The following DRICH1 variants were observed in gnomAD, a reference collection of about 807,000 sequenced individuals.
DRICH1 encodes aspartate-rich protein 1.
In DRICH1, 38 loss-of-function variants were observed where a neutral mutation model predicts 39.5. That is an observed-to-expected ratio of 0.96 (90% CI 0.74 to 1.26). The LOEUF is 1.26. Among genes scored for constraint, DRICH1 ranks in the 50% most tolerant of loss-of-function variants. DRICH1 has a pLI of 0.00. For synonymous variants in DRICH1, 84 were observed against 99.5 expected (o/e 0.84, Z 0.93); for missense variants, 279 against 270.4 (o/e 1.03, Z -0.22).
At chr22:23,621,989 T>G in intron 4 of DRICH1, 102 bp downstream of exon 4, 1 of 1,027,388 alleles carries the variant, frequency 9.7e-7, no homozygotes. Context: ...ACTTTTGTTG[T>G]TTATAGCTCC....
chr22:23,620,712 G>C, intron 4 of DRICH1, 97 bp from the exon 5 acceptor site: 2 of 1,404,928 alleles, frequency 1.4e-6, no homozygotes, highest in Non-Finnish European at 2.0e-6. Flanking sequence ...CAGAAAACTA[G>C]TTGTGAAACT....
chr22:23,617,587 A>C lies in DRICH1; in HGVS notation c.507T>G (p.Asp169Glu), dbSNP rs1365038334. 1.2e-6 allele frequency: 2 copies of C among 1,614,016 alleles called. No homozygotes were observed. The highest frequency in any genetic ancestry group is 2.7e-5 in the African/African-American group (2 of 74,894). The stretch of plus-strand genomic sequence containing the variant: ...AAGGTTGTCTTACCTGGGCATCATC[A>C]TCATCATCATCACAGTCATCATCTT... ...RSEDDDCDDD[D>E]DDAQILPSPV... The change falls in exon 7 of 12, where the codon GAT becomes GAG. Residue 169 changes from aspartate (D) to glutamate (E), a missense_variant. Transcript: ENST00000317749.
At chr22:23,609,198 C>T (rs1389677590) in intron 11 of DRICH1, among the ~76,000 whole-genome samples, 1 of 152,162 alleles carries the variant, frequency 6.6e-6, no homozygotes, top group Non-Finnish European at 1.5e-5. Context: ...TATAAGCCCA[C>T]ACTATGGAGG....
rs371627015 is a variant in DRICH1, at chr22:23,619,316, C to T, written c.436+48G>A. On this transcript the variant is annotated intron_variant, in intron 6 of 11. Transcript: ENST00000317749. ...CTTCCCATATTCATGGATAGGAAGA[C>T]TCAGCATGACTAACACACAATACTA... 22 of 778,228 alleles carry T rather than the reference C, an allele frequency of 2.8e-5. No individual in the cohort carries two copies. The East Asian group carries it at 4.1e-4, about 15-fold the overall frequency. The allele number at this position is 778,228 out of a possible 1,614,324, so 48.2% of individuals were successfully genotyped here.
At chr22:23,626,872 G>GGTCTCA (rs1425768302) in intron 1 of DRICH1, among the ~76,000 whole-genome samples, 2 of 152,128 alleles carry the variant, frequency 1.3e-5, no homozygotes, top group East Asian at 3.9e-4. Context: ...GCCCATTACA[G>GGTCTCA]GTCTCACCTC....
the DRICH1 span, among the ~76,000 whole-genome samples, chr22:23,587,583 G>A: frequency 6.6e-6 from 1 of 152,166 alleles, no homozygotes; most frequent in Admixed American, 6.5e-5. Context: ...GCCTAGGACA[G>A]GCAGCTGACC....
At chr22:23,618,146 C>A (rs1233985967) in intron 6 of DRICH1, among the ~76,000 whole-genome samples, 3 of 141,620 alleles carry the variant, frequency 2.1e-5, no homozygotes, top group Non-Finnish European at 3.0e-5. Flanking sequence ...CAGAGTCTCA[C>A]TCTGTCCCCC....
rs774892685 is a variant in DRICH1 at position 23,632,066 on chromosome 22, G to A, written c.-43C>T. On this transcript the variant is annotated 5_prime_UTR_variant, in exon 1 of 12. Transcript: ENST00000317749. ...CTCCACTCCTGCCTCAGCCTTCAGC[G>A]AAATTGTAACTGTGCTGCCCTAGCA... 52 of 1,609,934 alleles carry A rather than the reference G, an allele frequency of 3.2e-5. 3 individuals carry two copies. In the South Asian group the frequency reaches 4.5e-4, roughly 14 times the overall value.
At chr22:23,614,547 T>C (rs545525214) in intron 8 of DRICH1, among the ~76,000 whole-genome samples, 81 of 152,348 alleles carry the variant, frequency 5.3e-4, no homozygotes, top group African/African-American at 1.9e-3. Flanking sequence ...CAGGATTTTC[T>C]TAACGTATTC....
At chr22:23,628,960 T>C (rs1041908486) in intron 1 of DRICH1, among the ~76,000 whole-genome samples, 3 of 152,250 alleles carry the variant, frequency 2.0e-5, no homozygotes, top group African/African-American at 7.2e-5. Flanking sequence ...TCCTGTTCAC[T>C]CCTACTCAGA....
chr22:23,629,758 C>T (rs1264435833), intron 1 of DRICH1, among the ~76,000 whole-genome samples: 1 of 152,084 alleles, frequency 6.6e-6, no homozygotes, highest in Non-Finnish European at 1.5e-5. Flanking sequence ...CCTAGGACTA[C>T]AGGTATGGGC....
chr22:23,585,393 T>A, the DRICH1 span, among the ~76,000 whole-genome samples: 38 of 152,364 alleles, frequency 2.5e-4, no homozygotes, highest in Admixed American at 7.8e-4. Flanking sequence ...CGACTTGGCC[T>A]CCTGAAGTGC....
chr22:23,603,417 C>T, the DRICH1 span, among the ~76,000 whole-genome samples: 3 of 151,856 alleles, frequency 2.0e-5, no homozygotes, highest in South Asian at 2.1e-4. Flanking sequence ...CCCCACTCTC[C>T]GCCCTGGGCC....
chr22:23,626,713 A>G (rs1928085374), intron 1 of DRICH1, among the ~76,000 whole-genome samples: 1 of 152,156 alleles, frequency 6.6e-6, no homozygotes, highest in Non-Finnish European at 1.5e-5. Context: ...TGGGTTGCAC[A>G]AGATTGCTCT....
At chr22:23,596,776 T>G in the DRICH1 span, among the ~76,000 whole-genome samples, 1 of 152,214 alleles carries the variant, frequency 6.6e-6, no homozygotes, top group Non-Finnish European at 1.5e-5. Flanking sequence ...TGTTTCATGG[T>G]CTAATACATG....
At chr22:23,621,420 TAA>T (rs112503416) in intron 4 of DRICH1, among the ~76,000 whole-genome samples, 1 of 144,210 alleles carries the variant, frequency 6.9e-6, no homozygotes, top group South Asian at 2.2e-4. Context: ...AAGACAACCA[TAA>T]AAAAAAAAAT....
the DRICH1 span, among the ~76,000 whole-genome samples, chr22:23,588,166 A>G: frequency 0.29 from 43,635 of 152,042 alleles, 6,598 homozygotes; most frequent in Middle Eastern, 0.38. Flanking sequence ...TTGCTCTGTC[A>G]CCCAGGCTGG....
chr22:23,606,773 T>G (rs1926755563), downstream of DRICH1, among the ~76,000 whole-genome samples: 1 of 152,130 alleles, frequency 6.6e-6, no homozygotes, highest in Non-Finnish European at 1.5e-5. Flanking sequence ...AGATGCCCCC[T>G]GAGATGCCAG....
chr22:23,615,279 G>A (rs1373901286), intron 8 of DRICH1, among the ~76,000 whole-genome samples: 1 of 152,180 alleles, frequency 6.6e-6, no homozygotes, highest in Non-Finnish European at 1.5e-5. Context: ...AGGAGGCTGA[G>A]GCAGGAGAAT....
Sources: allele counts gnomAD v4.1 joint callset (sites outside exome capture counted in the v4.1 genomes callset), GRCh38; gene constraint gnomAD v4.1.1; transcripts MANE v1.5; gene names NCBI Gene and HGNC (gene_info 2026-07-23, HGNC 2026-07-21).